PDE8B: variants seen among roughly 807,000 people sequenced by gnomAD.
PDE8B encodes phosphodiesterase 8B.
Under a neutral mutation model 101.3 loss-of-function variants are expected in PDE8B, and 26 were observed. That is an observed-to-expected ratio of 0.26 (90% CI 0.19 to 0.36). PDE8B has a LOEUF of 0.36. PDE8B is among the 10% of genes least tolerant of loss of function. The pLI is 1.00. For missense variants in PDE8B, 810 were observed against 1,163.1 expected, an observed-to-expected ratio of 0.70 and a Z score of 4.42; for synonymous variants, 424 against 429.3, an observed-to-expected ratio of 0.99 and a Z score of 0.15.
intron 1 of PDE8B, among the ~76,000 whole-genome samples, chr5:77,288,989 T>C (rs1766678894): frequency 1.3e-5 from 2 of 152,126 alleles, no homozygotes; most frequent in Admixed American, 1.3e-4. Context: ...CACATATGAG[T>C]GTCACCTGTT....
intron 10 of PDE8B, among the ~76,000 whole-genome samples, chr5:77,386,309 T>C (rs561114138): frequency 6.6e-6 from 1 of 152,340 alleles, no homozygotes; most frequent in East Asian, 1.9e-4. Flanking sequence ...GGTCCAGAGC[T>C]GAGTTCAAGT....
At chr5:77,143,916 C>T in the PDE8B span, 2 of 145,918 alleles carry the variant, frequency 1.4e-5, no homozygotes, top group African/African-American at 5.1e-5. Context: ...CAAGTTCACA[C>T]AGCCCTGGTC....
intron 1 of PDE8B, among the ~76,000 whole-genome samples, chr5:77,306,965 T>C (rs748967944): frequency 6.6e-6 from 1 of 152,206 alleles, no homozygotes; most frequent in Non-Finnish European, 1.5e-5. Flanking sequence ...TTGCTAAATC[T>C]CTGTTCTTGG....
chr5:77,180,154 G>C, the PDE8B span, among the ~76,000 whole-genome samples: 2 of 152,246 alleles, frequency 1.3e-5, no homozygotes, highest in Admixed American at 6.5e-5. Flanking sequence ...GACTTCCCTC[G>C]AGGGGCCAGG....
Position 77,210,749 on chromosome 5 carries a change from C to A in PDE8B, c.-177C>A. On this transcript the variant is annotated 5_prime_UTR_variant, in exon 1 of 22. Transcript: ENST00000264917. The surrounding 1 kb of genome is among the most constrained non-coding windows in gnomAD (Gnocchi z 4.9). ...GGAAAGTTGGGGTGACGCGCGCGGT[C>A]CCCGGAGGCTCGGCGGGGGGCACCG... 1 of 981,912 alleles carries A rather than the reference C, an allele frequency of 1.0e-6. No individual in the cohort carries two copies. The highest frequency in any genetic ancestry group is 1.2e-6 in the Non-Finnish European group (1 of 828,976). 60.8% of individuals were successfully genotyped at this position (981,912 alleles called of 1,614,324 possible). A position where few individuals can be genotyped will look rare whatever the true frequency, so the allele number is the denominator to read the frequency against.
At chr5:77,240,192 T>C (rs1038625806) in intron 1 of PDE8B, among the ~76,000 whole-genome samples, 3 of 152,184 alleles carry the variant, frequency 2.0e-5, no homozygotes, top group Admixed American at 1.3e-4. Flanking sequence ...CTCGCTCTAT[T>C]GCCCAGGCTG....
chr5:77,354,207 G>A (rs576223631), intron 10 of PDE8B, among the ~76,000 whole-genome samples: 1 of 152,324 alleles, frequency 6.6e-6, no homozygotes, highest in African/African-American at 2.4e-5. Context: ...AGCCCAGCCA[G>A]GCCTGGAGAT....
upstream of PDE8B, among the ~76,000 whole-genome samples, chr5:77,207,963 C>T (rs146022299): frequency 5.5e-4 from 84 of 152,260 alleles, 1 homozygote; most frequent in East Asian, 0.016. Flanking sequence ...TCTTCTATTC[C>T]AACAAAGAAG....
chr5:77,369,917 G>A (rs1213312847), intron 10 of PDE8B, among the ~76,000 whole-genome samples: 1 of 152,114 alleles, frequency 6.6e-6, no homozygotes, highest in African/African-American at 2.4e-5. Flanking sequence ...ATTTTATTGT[G>A]AAAATTGTCA....
chr5:77,290,198 T>G, intron 1 of PDE8B: 1 of 1,530,630 alleles, frequency 6.5e-7, no homozygotes, highest in Non-Finnish European at 8.9e-7. Flanking sequence ...GGCGCCTGCC[T>G]CGCGCACTGT....
the PDE8B span, among the ~76,000 whole-genome samples, chr5:77,176,111 G>A: frequency 6.6e-6 from 1 of 152,148 alleles, no homozygotes; most frequent in Non-Finnish European, 1.5e-5. Context: ...TTTGCTTGTT[G>A]AGTTATACAT....
chr5:77,327,241 C>T (rs1251432892), intron 3 of PDE8B, among the ~76,000 whole-genome samples: 1 of 152,176 alleles, frequency 6.6e-6, no homozygotes, highest in African/African-American at 2.4e-5. Flanking sequence ...AGGACTGGAC[C>T]TTAGCCTAAC....
chr5:77,223,820 G>T (rs767943433), intron 1 of PDE8B, among the ~76,000 whole-genome samples: 1 of 152,218 alleles, frequency 6.6e-6, no homozygotes, highest in African/African-American at 2.4e-5. Flanking sequence ...CCCCTGCTAA[G>T]TGGCAGTGGT....
chr5:77,225,954 A>AT (rs1173054040), intron 1 of PDE8B, among the ~76,000 whole-genome samples: 1 of 98,608 alleles, frequency 1.0e-5, no homozygotes, highest in Non-Finnish European at 2.1e-5. Context: ...AAACAGTTTG[A>AT]TTTTTTTCCA....
the PDE8B span, chr5:77,141,946 AAT>A: frequency 6.6e-6 from 1 of 152,248 alleles, no homozygotes; most frequent in Non-Finnish European, 1.5e-5. Flanking sequence ...TATATAACAT[AAT>A]ATATCCATGT....
the PDE8B span, among the ~76,000 whole-genome samples, chr5:77,164,868 G>C: frequency 6.6e-6 from 1 of 152,112 alleles, no homozygotes; most frequent in African/African-American, 2.4e-5. Context: ...CAGAGCTTTG[G>C]GGAAGTTCTG....
At chr5:77,373,312 T>C (rs562905656) in intron 10 of PDE8B, among the ~76,000 whole-genome samples, 1 of 152,318 alleles carries the variant, frequency 6.6e-6, no homozygotes, top group Admixed American at 6.5e-5. Flanking sequence ...GTCATTATTA[T>C]TATTTTCTGA....
the PDE8B span, among the ~76,000 whole-genome samples, chr5:77,175,214 C>T: frequency 2.6e-5 from 4 of 152,198 alleles, no homozygotes; most frequent in African/African-American, 9.7e-5. Flanking sequence ...ATGGCTCTGA[C>T]ATCCTCCTGC....
chr5:77,345,676 T>C (rs2150398880), intron 7 of PDE8B, among the ~76,000 whole-genome samples: 1 of 152,330 alleles, frequency 6.6e-6, no homozygotes, highest in South Asian at 2.1e-4. Flanking sequence ...TTTCAAGAAA[T>C]GAGGTGTTCT....
Sources: allele counts gnomAD v4.1 joint callset (sites outside exome capture counted in the v4.1 genomes callset), GRCh38; gene constraint gnomAD v4.1.1; non-coding constraint Gnocchi (gnomAD v3.1); transcripts MANE v1.5; gene names NCBI Gene and HGNC (gene_info 2026-07-23, HGNC 2026-07-21).